SLC16A2: variants seen among roughly 807,000 people sequenced by gnomAD.
The protein encoded by SLC16A2 is solute carrier family 16 member 2.
Under a neutral mutation model 27.2 loss-of-function variants are expected in SLC16A2, and 3 were observed. The observed-to-expected ratio is 0.11, with a 90% CI of 0.05 to 0.28. The LOEUF (loss-of-function observed/expected upper bound fraction) is 0.28. SLC16A2 is among the 10% of genes least tolerant of loss of function. SLC16A2 has a pLI of 1.00. For missense variants in SLC16A2, 295 were observed against 458.5 expected (o/e 0.64, Z 3.26); for synonymous variants, 202 against 187.8 (o/e 1.08, Z -0.62).
intron 1 of SLC16A2, among the ~76,000 whole-genome samples, chrX:74,444,626 A>G (rs998108445): frequency 7.0e-4 from 79 of 112,317 alleles, no homozygotes; most frequent in African/African-American, 2.5e-3. Flanking sequence ...TTAAAGTTTG[A>G]CACAGGGTTA....
chrX:74,499,199 A>G (rs1299417545), intron 1 of SLC16A2, among the ~76,000 whole-genome samples: 1 of 111,536 alleles, frequency 9.0e-6, no homozygotes, highest in Non-Finnish European at 1.9e-5. Flanking sequence ...GAATCCCCTC[A>G]TTCTTAATAT....
intron 1 of SLC16A2, among the ~76,000 whole-genome samples, chrX:74,479,558 C>T (rs1438815664): frequency 8.9e-6 from 1 of 112,246 alleles, no homozygotes; most frequent in Non-Finnish European, 1.9e-5. Context: ...AAGAGAGGCG[C>T]TCTGATTTTT....
intron 2 of SLC16A2, among the ~76,000 whole-genome samples, chrX:74,522,999 G>A (rs1218398505): frequency 2.0e-5 from 2 of 97,856 alleles, no homozygotes; most frequent in African/African-American, 7.1e-5. Flanking sequence ...CATCCCTGGG[G>A]CCCAGCTAGA....
chrX:74,446,552 T>C (rs1928840898), intron 1 of SLC16A2, among the ~76,000 whole-genome samples: 1 of 111,646 alleles, frequency 9.0e-6, no homozygotes, highest in Non-Finnish European at 1.9e-5. Flanking sequence ...GCTGGGAGAT[T>C]GAGGCTGCAG....
intron 1 of SLC16A2, among the ~76,000 whole-genome samples, chrX:74,427,819 A>AGTG (rs1928438526): frequency 2.8e-5 from 3 of 107,754 alleles, no homozygotes; most frequent in East Asian, 6.2e-4. Flanking sequence ...GCGCACACAC[A>AGTG]CACACACACA....
rs977605988 is a variant in SLC16A2 at position 74,501,577 on chromosome X, C to T, written c.431-19413C>T. Among the ~76,000 whole-genome samples, 24 of 111,614 alleles carry T rather than the reference C, an allele frequency of 2.2e-4. No individual in the cohort carries two copies. In the South Asian group the frequency reaches 6.2e-3, roughly 29 times the overall value. ...GAACAAGGACCCAGTGCTGCTACTG[C>T]TGTCTCTGGTGGGCCCCCCCTCTGC... On this transcript the variant is annotated intron_variant, in intron 1 of 5. Transcript: ENST00000587091.
chrX:74,490,481 C>T (rs2147859306), intron 1 of SLC16A2, among the ~76,000 whole-genome samples: 1 of 111,247 alleles, frequency 9.0e-6, no homozygotes, highest in East Asian at 2.8e-4. Flanking sequence ...ATTGTGCCCT[C>T]TTACTTATCT....
Position 74,421,631 on chromosome X carries a change from C to T in SLC16A2, c.-7C>T. 1 of 1,204,386 alleles carries T rather than the reference C, an allele frequency of 8.3e-7. No individual in the cohort carries two copies. Among genetic ancestry groups the T allele is most frequent in the African/African-American group, 1.7e-5 (1 of 57,892 alleles). On this transcript the variant is annotated 5_prime_UTR_variant, in exon 1 of 6. Transcript: ENST00000587091. Reference sequence around the variant, plus strand: ...CTGGCCCAAGCAGCCACAGTCCCCCCGCCGCGATGGCGCTGCAAAGCCAGG... The same window carrying T: ...CTGGCCCAAGCAGCCACAGTCCCCCTGCCGCGATGGCGCTGCAAAGCCAGG...
intron 1 of SLC16A2, among the ~76,000 whole-genome samples, chrX:74,504,364 T>C (rs1301320353): frequency 9.7e-6 from 1 of 103,257 alleles, no homozygotes; most frequent in Non-Finnish European, 2.0e-5. Context: ...GGTTAGAAAC[T>C]TTGACCTCCA....
At chrX:74,465,890 G>A (rs962539009) in intron 1 of SLC16A2, among the ~76,000 whole-genome samples, 2 of 111,022 alleles carry the variant, frequency 1.8e-5, no homozygotes, top group African/African-American at 3.3e-5. Flanking sequence ...CTTCCCCTCC[G>A]TGACCCTCCC....
In SLC16A2 at chrX:74,529,587, A is replaced by G. The variant is rs751047835; in HGVS notation, c.1399+146A>G. Reference sequence around the variant, plus strand: ...GTCAGAGTGCGTGAAACCCCTTATCACTACTGGTGGAAGAGATTAAACACA... The same window carrying G: ...GTCAGAGTGCGTGAAACCCCTTATCGCTACTGGTGGAAGAGATTAAACACA... On this transcript the variant is annotated intron_variant, in intron 5 of 5. Coordinates refer to ENST00000587091, the MANE Select transcript of SLC16A2 (RefSeq NM_006517.5). 2.2e-5 allele frequency: 10 copies of G among 457,540 alleles called. No individual in the cohort carries two copies. In the East Asian group the frequency reaches 3.3e-4, roughly 15 times the overall value. The allele number at this position is 457,540 out of a possible 1,213,427, so 37.7% of individuals were successfully genotyped here.
At chrX:74,436,977 G>C (rs1400108151) in intron 1 of SLC16A2, among the ~76,000 whole-genome samples, 2 of 112,390 alleles carry the variant, frequency 1.8e-5, no homozygotes, top group African/African-American at 6.5e-5. Flanking sequence ...CCATCTATTG[G>C]ATAATCCTGT....
chrX:74,472,213 T>C (rs1476151677), intron 1 of SLC16A2, among the ~76,000 whole-genome samples: 1 of 112,110 alleles, frequency 8.9e-6, no homozygotes, highest in Non-Finnish European at 1.9e-5. Flanking sequence ...TTTTAATTTT[T>C]ATGAACTCCA....
chrX:74,448,767 G>C (rs1928884837), intron 1 of SLC16A2, among the ~76,000 whole-genome samples: 1 of 111,784 alleles, frequency 8.9e-6, no homozygotes, highest in Non-Finnish European at 1.9e-5. Flanking sequence ...AGTGGCACCA[G>C]GTTACCTGAA....
chrX:74,475,230 G>A (rs1173553712), intron 1 of SLC16A2, among the ~76,000 whole-genome samples: 1 of 110,025 alleles, frequency 9.1e-6, no homozygotes, highest in African/African-American at 3.3e-5. Context: ...CTGATGGCCA[G>A]TGATGATGAG....
At chrX:74,509,460 A>G (rs1433486345) in intron 1 of SLC16A2, among the ~76,000 whole-genome samples, 2 of 112,083 alleles carry the variant, frequency 1.8e-5, no homozygotes, top group Non-Finnish European at 3.8e-5. Context: ...GATTATATAT[A>G]CATTTTTAAT....
chrX:74,429,365 G>T (rs752184605), intron 1 of SLC16A2, among the ~76,000 whole-genome samples: 1 of 109,637 alleles, frequency 9.1e-6, no homozygotes, highest in African/African-American at 3.3e-5. Flanking sequence ...ACAGGTACTT[G>T]GAAGGCTGAG....
At chrX:74,431,008 C>T (rs1928526028) in intron 1 of SLC16A2, among the ~76,000 whole-genome samples, 1 of 112,855 alleles carries the variant, frequency 8.9e-6, no homozygotes, top group East Asian at 2.8e-4. Flanking sequence ...TCCCAAAGTG[C>T]TGGGATTACA....
chrX:74,451,601 G>A (rs1928943482), intron 1 of SLC16A2, among the ~76,000 whole-genome samples: 1 of 112,713 alleles, frequency 8.9e-6, no homozygotes, highest in Non-Finnish European at 1.9e-5. Context: ...AAAGTGACAC[G>A]GAAAATTGAT....
Sources: allele counts gnomAD v4.1 joint callset (sites outside exome capture counted in the v4.1 genomes callset), GRCh38; gene constraint gnomAD v4.1.1; transcripts MANE v1.5; gene names NCBI Gene and HGNC (gene_info 2026-07-23, HGNC 2026-07-21).